SPMIP5: variants seen among roughly 807,000 people sequenced by gnomAD.
SPMIP5 encodes the protein sperm microtubule inner protein 5, also known as sperm-associated microtubule inner protein 5.
chr10:116,668,467 C>T, the SPMIP5 span: 1 of 704,342 alleles, frequency 1.4e-6, no homozygotes, highest in South Asian at 1.7e-5. Context: ...CCACCTTACC[C>T]AAAGCCAGAG....
At chr10:116,668,933 G>GCGCGCACACACACA in the SPMIP5 span, among the ~76,000 whole-genome samples, 8 of 135,380 alleles carry the variant, frequency 5.9e-5, no homozygotes, top group African/African-American at 2.3e-4. Flanking sequence ...GCACACACAT[G>GCGCGCACACACACA]CACACACACA....
At chr10:116,668,109 T>C in the SPMIP5 span, 1 of 752,600 alleles carries the variant, frequency 1.3e-6, no homozygotes, top group Non-Finnish European at 2.3e-6. Context: ...TCTTCAGCGA[T>C]GGAATGCTCT....
the SPMIP5 span, chr10:116,665,529 T>A: frequency 7.5e-7 from 1 of 1,340,406 alleles, no homozygotes. Flanking sequence ...TTCTGGGTGC[T>A]ATGGGGCAGC....
the SPMIP5 span, chr10:116,664,800 G>A: frequency 2.5e-5 from 40 of 1,613,930 alleles, no homozygotes; most frequent in Middle Eastern, 1.6e-4. Flanking sequence ...GGCCCTCTCC[G>A]TGATCTCCAG....
the SPMIP5 span, among the ~76,000 whole-genome samples, chr10:116,668,907 C>G: frequency 1.4e-5 from 2 of 140,982 alleles, no homozygotes; most frequent in African/African-American, 5.6e-5. Context: ...GCTCAGAAGC[C>G]TCCCCCCACC....
At chr10:116,668,837 T>A in the SPMIP5 span, among the ~76,000 whole-genome samples, 5 of 151,800 alleles carry the variant, frequency 3.3e-5, no homozygotes, top group Admixed American at 3.3e-4. Context: ...TCTGGCAATG[T>A]CCAGAGGCAT....
the SPMIP5 span, chr10:116,665,404 CA>C: frequency 0.2 from 55,329 of 283,422 alleles, 340 homozygotes; most frequent in East Asian, 0.25. Flanking sequence ...GACTCCGTCT[CA>C]AAAAAAAAAA....
At chr10:116,663,927 G>T in the SPMIP5 span, 11 of 1,536,848 alleles carry the variant, frequency 7.2e-6, no homozygotes, top group Non-Finnish European at 7.0e-6. Context: ...CATACTTTGC[G>T]GAGGACAGTG....
chr10:116,669,741 G>A, the SPMIP5 span, among the ~76,000 whole-genome samples: 8 of 152,006 alleles, frequency 5.3e-5, no homozygotes, highest in Admixed American at 5.2e-4. Flanking sequence ...GCGAACAGAT[G>A]ACCTCTAAAC....
At chr10:116,666,167 T>C in the SPMIP5 span, among the ~76,000 whole-genome samples, 171 of 152,348 alleles carry the variant, frequency 1.1e-3, no homozygotes, top group African/African-American at 3.8e-3. Flanking sequence ...TAAGGAGTAA[T>C]TGAAATTATT....
At chr10:116,666,429 T>C in the SPMIP5 span, among the ~76,000 whole-genome samples, 1 of 150,038 alleles carries the variant, frequency 6.7e-6, no homozygotes, top group Non-Finnish European at 1.5e-5. Context: ...GAATCCTAAG[T>C]ACTATAATAT....
chr10:116,663,534 C>T, the SPMIP5 span, among the ~76,000 whole-genome samples: 1 of 152,116 alleles, frequency 6.6e-6, no homozygotes, highest in African/African-American at 2.4e-5. Context: ...GGTGTCTGCG[C>T]CGCTGTCAGG....
the SPMIP5 span, chr10:116,668,277 T>A: frequency 6.2e-7 from 1 of 1,613,996 alleles, no homozygotes; most frequent in Admixed American, 1.7e-5. Context: ...CTGGTGTGAT[T>A]GGCAGGTTTC....
chr10:116,665,161 C>T, the SPMIP5 span: 3 of 1,271,416 alleles, frequency 2.4e-6, no homozygotes, highest in Non-Finnish European at 3.0e-6. Context: ...CTTTGGGAGG[C>T]TGAGGCAGGC....
At chr10:116,668,575 G>A in the SPMIP5 span, among the ~76,000 whole-genome samples, 1 of 116,068 alleles carries the variant, frequency 8.6e-6, no homozygotes, top group Admixed American at 8.6e-5. Context: ...CACCTACCAG[G>A]GTCTCCTCTC....
chr10:116,663,445 C>G, the SPMIP5 span, among the ~76,000 whole-genome samples: 10 of 152,290 alleles, frequency 6.6e-5, no homozygotes, highest in South Asian at 2.1e-3. Flanking sequence ...GCAGCCCTAT[C>G]ACACCAATAT....
the SPMIP5 span, chr10:116,664,046 T>A: frequency 6.3e-7 from 1 of 1,593,696 alleles, no homozygotes. Flanking sequence ...GCAGGGCAGC[T>A]TCCATCTAGG....
chr10:116,665,211 A>G, the SPMIP5 span: 2 of 796,292 alleles, frequency 2.5e-6, no homozygotes, highest in South Asian at 3.0e-5. Context: ...ACCCTCGGCA[A>G]CATGGTGAAA....
the SPMIP5 span, among the ~76,000 whole-genome samples, chr10:116,667,126 A>G: frequency 1.3e-5 from 2 of 152,152 alleles, no homozygotes; most frequent in African/African-American, 4.8e-5. Context: ...ATGTCCTTAT[A>G]GAGGAAAGAA....
Sources: allele counts gnomAD v4.1 joint callset (sites outside exome capture counted in the v4.1 genomes callset), GRCh38; gene constraint gnomAD v4.1.1; transcripts MANE v1.5; gene names NCBI Gene and HGNC (gene_info 2026-07-23, HGNC 2026-07-21).